Variants in PCDHA10 observed in about 807,000 individuals in gnomAD.
PCDHA10 encodes the protein protocadherin alpha-10.
PCDHA10 carries 45 observed loss-of-function variants against 61.2 expected under a neutral mutation model. The ratio of observed to expected loss-of-function variants is 0.74; its 90% CI spans 0.58 to 0.94. PCDHA10 has a LOEUF of 0.94. Among genes scored for constraint, PCDHA10 ranks in the 40% least tolerant of loss-of-function variants. The pLI is 0.00. For missense variants in PCDHA10, 1,278 were observed against 1,236.2 expected, an observed-to-expected ratio of 1.03 and a Z score of -0.51; for synonymous variants, 602 against 548.8, an observed-to-expected ratio of 1.10 and a Z score of -1.35.
chr5:140,875,696 T>C (rs2055720575), intron 1 of PCDHA10: 1 of 1,613,958 alleles, frequency 6.2e-7, no homozygotes, highest in Non-Finnish European at 8.5e-7. Flanking sequence ...GGGGACCTTC[T>C]GGAGGTAAAT....
chr5:140,946,613 T>A (rs1300820927), intron 1 of PCDHA10, among the ~76,000 whole-genome samples: 1 of 116,702 alleles, frequency 8.6e-6, no homozygotes, highest in South Asian at 2.6e-4. Context: ...AAATGTGAAA[T>A]ATATATATAT....
chr5:140,999,249 G>A (rs1162368060), intron 3 of PCDHA10, among the ~76,000 whole-genome samples: 1 of 152,066 alleles, frequency 6.6e-6, no homozygotes, highest in Non-Finnish European at 1.5e-5. Context: ...AGTGGGAGTT[G>A]GATTAGTAAA....
intron 1 of PCDHA10, among the ~76,000 whole-genome samples, chr5:140,978,590 A>G (rs192815977): frequency 2.0e-4 from 31 of 152,334 alleles, no homozygotes; most frequent in African/African-American, 7.5e-4. Context: ...TGTTCCCTTA[A>G]TGGGGCACTT....
chr5:140,953,055 T>C (rs1389436711), intron 1 of PCDHA10, among the ~76,000 whole-genome samples: 3 of 152,178 alleles, frequency 2.0e-5, no homozygotes, highest in African/African-American at 7.2e-5. Flanking sequence ...CAATCACCTC[T>C]CACAGGCCCC....
chr5:140,958,724 A>G (rs1563299236), intron 1 of PCDHA10, among the ~76,000 whole-genome samples: 1 of 152,188 alleles, frequency 6.6e-6, no homozygotes, highest in Admixed American at 6.5e-5. Context: ...TAAATGTAAC[A>G]CTGAATGGGA....
Position 140,876,851 on chromosome 5 carries a change from A to G in PCDHA10, c.2388+18415A>G, listed in dbSNP as rs1554169034. ...GCGCCTGCGTTCGCGCAGCCCGAGT[A>G]CACAGTGTTCGTGAAGGAGAACAAC... On this transcript the variant is annotated intron_variant, in intron 1 of 3. Coordinates refer to ENST00000307360, the MANE Select transcript of PCDHA10 (RefSeq NM_018901.4). The G allele has an allele frequency of 5.0e-6, 8 of 1,613,986 alleles. No individual in the cohort carries two copies. In the Admixed American group the frequency reaches 1.3e-4, roughly 27 times the overall value.
At chr5:140,944,197 T>C (rs1404957342) in intron 1 of PCDHA10, among the ~76,000 whole-genome samples, 2 of 152,120 alleles carry the variant, frequency 1.3e-5, no homozygotes, top group Non-Finnish European at 2.9e-5. Context: ...TTTTGTTTTG[T>C]TTTGTTTTTA....
intron 3 of PCDHA10, among the ~76,000 whole-genome samples, chr5:140,994,980 C>A (rs1311252472): frequency 4.6e-5 from 7 of 151,992 alleles, no homozygotes; most frequent in Admixed American, 1.3e-4. Flanking sequence ...CCATGGAGAC[C>A]CACTAGAAGG....
intron 3 of PCDHA10, among the ~76,000 whole-genome samples, chr5:141,000,386 T>A (rs1394092081): frequency 5.6e-4 from 37 of 66,542 alleles, no homozygotes; most frequent in African/African-American, 2.4e-3. Flanking sequence ...TCTCTCTCTC[T>A]CTCTCTCTCT....
At chr5:140,873,260 G>A (rs1252265709) in intron 1 of PCDHA10, among the ~76,000 whole-genome samples, 2 of 152,146 alleles carry the variant, frequency 1.3e-5, no homozygotes, top group Non-Finnish European at 2.9e-5. Context: ...AGACTCAAAA[G>A]TGATTAAACC....
rs1554150955 is a variant in PCDHA10, at chr5:140,857,971, G to C, written c.1923G>C (p.Ser641=). The C allele has an allele frequency of 1.9e-6, 3 of 1,596,810 alleles. No individual in the cohort carries two copies. Among genetic ancestry groups the C allele is most frequent in the Non-Finnish European group, 2.6e-6 (3 of 1,167,180 alleles). The part of the protein sequence containing the change: ...STTRALDETD[S]PRQRLLVLVK... ...CGCGCGCTCTGGATGAGACTGACTC[G>C]CCACGCCAGCGCCTACTGGTGCTGG... Residue 641 remains serine, a synonymous_variant, in exon 1 of 4, where the codon TCG becomes TCC. Coordinates refer to ENST00000307360, the MANE Select transcript of PCDHA10 (RefSeq NM_018901.4).
chr5:140,858,495 G>T, intron 1 of PCDHA10, 59 bp downstream of exon 1: 1 of 1,481,630 alleles, frequency 6.7e-7, no homozygotes, highest in Non-Finnish European at 9.2e-7. Flanking sequence ...TTCTCTTACC[G>T]CATTTTCTCA....
intron 1 of PCDHA10, among the ~76,000 whole-genome samples, chr5:140,874,822 T>C (rs2055124014): frequency 6.6e-6 from 1 of 152,252 alleles, no homozygotes; most frequent in East Asian, 1.9e-4. Context: ...TTTATATAAA[T>C]GAAATATTGT....
At chr5:140,923,877 C>T (rs555626217) in intron 1 of PCDHA10, among the ~76,000 whole-genome samples, 5 of 152,284 alleles carry the variant, frequency 3.3e-5, no homozygotes, top group East Asian at 1.9e-4. Flanking sequence ...ATCTGAGAAG[C>T]GTGTGAAAGA....
At chr5:140,877,771 AC>A in intron 1 of PCDHA10, 2 of 1,614,178 alleles carry the variant, frequency 1.2e-6, no homozygotes, top group South Asian at 2.2e-5. Flanking sequence ...CCCGCCCAAG[AC>A]GGACCTCATG....
At chr5:140,868,823 G>A (rs576498570) in intron 1 of PCDHA10, 4 of 397,532 alleles carry the variant, frequency 1.0e-5, no homozygotes, top group South Asian at 6.7e-5. Context: ...ATATTTGGGG[G>A]AAGAAACCCA....
At chr5:140,954,065 G>A (rs2153701349) in intron 1 of PCDHA10, among the ~76,000 whole-genome samples, 1 of 152,278 alleles carries the variant, frequency 6.6e-6, no homozygotes, top group African/African-American at 2.4e-5. Context: ...TTATTATGCT[G>A]AGGATAATGG....
At chr5:140,953,810 C>T (rs918101590) in intron 1 of PCDHA10, among the ~76,000 whole-genome samples, 5 of 152,190 alleles carry the variant, frequency 3.3e-5, no homozygotes, top group South Asian at 2.1e-4. Context: ...TTCTGAGGTG[C>T]ATGTGCTAGT....
rs370156477 is a variant in PCDHA10 at position 140,876,942 on chromosome 5, G to A, written c.2388+18506G>A. The A allele has an allele frequency of 2.2e-5, 35 of 1,613,660 alleles. 1 individual carries two copies. In the African/African-American group the frequency reaches 4.4e-4, roughly 20 times the overall value. On this transcript the variant is annotated intron_variant, in intron 1 of 3. Transcript: ENST00000307360. ...CGGACGCGCAGAAGAACGCGCTGGT[G>A]TCCTACTCGCTGGTGGAGCGGCGGG...
Sources: allele counts gnomAD v4.1 joint callset (sites outside exome capture counted in the v4.1 genomes callset), GRCh38; gene constraint gnomAD v4.1.1; transcripts MANE v1.5; gene names NCBI Gene and HGNC (gene_info 2026-07-23, HGNC 2026-07-21).